Variants in ERC2 observed in about 807,000 individuals in gnomAD.
ERC2 encodes the protein ERC protein 2.
A neutral mutation model predicts 114.8 loss-of-function variants in ERC2; 42 were observed. That is an observed-to-expected ratio of 0.37 (90% CI 0.29 to 0.47). The LOEUF (loss-of-function observed/expected upper bound fraction) is 0.47. Among genes scored for constraint, ERC2 ranks in the 20% least tolerant of loss-of-function variants. ERC2 has a pLI of 0.99. For missense variants in ERC2, 939 were observed against 1,150.7 expected, an observed-to-expected ratio of 0.82 and a Z score of 2.66; for synonymous variants, 454 against 425.5, an observed-to-expected ratio of 1.07 and a Z score of -0.82.
At chr3:55,602,387 A>G (rs1243817159) in intron 17 of ERC2, among the ~76,000 whole-genome samples, 1 of 152,176 alleles carries the variant, frequency 6.6e-6, no homozygotes, top group African/African-American at 2.4e-5. Context: ...CTTTGCTCTC[A>G]AGGAGGAGAC....
At chr3:56,223,186 C>T (rs146096485) in intron 3 of ERC2, among the ~76,000 whole-genome samples, 204 of 152,284 alleles carry the variant, frequency 1.3e-3, no homozygotes, top group African/African-American at 4.3e-3. Flanking sequence ...TTCCATTTTT[C>T]AAAGGAATCT....
At chr3:56,420,681 C>T (rs919141500) in intron 2 of ERC2, among the ~76,000 whole-genome samples, 1 of 150,102 alleles carries the variant, frequency 6.7e-6, no homozygotes, top group East Asian at 2.0e-4. Context: ...GTCAGGAGAT[C>T]GAGACCAACC....
At chr3:56,465,700 C>T (rs1336792123) in intron 1 of ERC2, among the ~76,000 whole-genome samples, 2 of 152,106 alleles carry the variant, frequency 1.3e-5, no homozygotes, top group Non-Finnish European at 2.9e-5. Flanking sequence ...TTTTATCGAG[C>T]CAAAATTTTT....
In ERC2 at chr3:55,583,387, TTTCCTTCCTTCTTTCC is replaced by T. The variant is rs1233268913; in HGVS notation, c.*40-72127_*40-72112del. 4.3e-4 allele frequency among the ~76,000 whole-genome samples: 55 copies of T among 127,764 alleles called. 1 individual carries two copies. Among genetic ancestry groups the T allele is most frequent in the Middle Eastern group, 4.1e-3 (1 of 244 alleles). 83.8% of individuals were successfully genotyped at this position (127,764 alleles called of 152,430 possible). ...CCTGCCTGCCTTCTTTCCTTCTTTC[TTTCCTTCCTTCTTTCC>T]TTCCTTCCTTCCTTCCTTCCTTCCT... On this transcript the variant is annotated intron_variant, in intron 17 of 17. Transcript: ENST00000288221.
intron 2 of ERC2, among the ~76,000 whole-genome samples, chr3:56,378,585 AAC>A (rs1193719627): frequency 5.1e-5 from 7 of 135,936 alleles, no homozygotes; most frequent in African/African-American, 2.1e-4. Context: ...AAAAAAAAAA[AAC>A]AAAGGCAGCA....
At chr3:55,517,170 A>G (rs1391103047) in intron 17 of ERC2, among the ~76,000 whole-genome samples, 1 of 152,134 alleles carries the variant, frequency 6.6e-6, no homozygotes, top group East Asian at 1.9e-4. Context: ...GCCGGGTGCA[A>G]TGGCTCACGC....
chr3:56,121,446 G>T (rs529604559), intron 6 of ERC2, among the ~76,000 whole-genome samples: 1 of 152,226 alleles, frequency 6.6e-6, no homozygotes, highest in Non-Finnish European at 1.5e-5. Flanking sequence ...TATTTCAAAA[G>T]TATACATGGC....
At chr3:56,326,797 A>C (rs1255917750) in intron 2 of ERC2, among the ~76,000 whole-genome samples, 1 of 152,198 alleles carries the variant, frequency 6.6e-6, no homozygotes, top group Non-Finnish European at 1.5e-5. Context: ...AGGCTGTGCC[A>C]GGCCATGGTT....
At chr3:55,919,546 A>C (rs912505353) in intron 13 of ERC2, among the ~76,000 whole-genome samples, 1 of 152,188 alleles carries the variant, frequency 6.6e-6, no homozygotes, top group Admixed American at 6.5e-5. Flanking sequence ...TTTATTGAAC[A>C]ATTTGTAGGT....
At chr3:56,044,964 C>T (rs551154007) in intron 7 of ERC2, among the ~76,000 whole-genome samples, 88 of 152,272 alleles carry the variant, frequency 5.8e-4, no homozygotes, top group African/African-American at 2.1e-3. Context: ...CTGTCCCCTA[C>T]AGCAAATGTT....
intron 14 of ERC2, among the ~76,000 whole-genome samples, chr3:55,831,084 GT>G (rs1418533162): frequency 6.7e-6 from 1 of 150,194 alleles, no homozygotes; most frequent in African/African-American, 2.5e-5. Flanking sequence ...AGACAGGAAG[GT>G]TGTTTGAAGC....
chr3:55,542,622 A>C (rs2054472803), intron 17 of ERC2, among the ~76,000 whole-genome samples: 1 of 152,246 alleles, frequency 6.6e-6, no homozygotes, highest in South Asian at 2.1e-4. Flanking sequence ...GAAAAAAGGA[A>C]TATGAAAAGA....
chr3:55,895,451 A>C (rs2063797983), intron 13 of ERC2, among the ~76,000 whole-genome samples: 1 of 152,166 alleles, frequency 6.6e-6, no homozygotes, highest in Non-Finnish European at 1.5e-5. Flanking sequence ...GCGTAAAGTG[A>C]AATAATGCAT....
chr3:56,264,729 CTG>C (rs1413590176), intron 3 of ERC2, among the ~76,000 whole-genome samples: 1 of 150,318 alleles, frequency 6.7e-6, no homozygotes, highest in Admixed American at 6.6e-5. Context: ...CATAAAAAAA[CTG>C]TTAAAATAAT....
At chr3:55,855,991 G>A (rs2061768434) in intron 14 of ERC2, among the ~76,000 whole-genome samples, 1 of 152,178 alleles carries the variant, frequency 6.6e-6, no homozygotes, top group Non-Finnish European at 1.5e-5. Flanking sequence ...GCCCCTGTCT[G>A]TCAAAGTAGA....
At chr3:55,838,541 G>A (rs988425093) in intron 14 of ERC2, among the ~76,000 whole-genome samples, 1 of 151,952 alleles carries the variant, frequency 6.6e-6, no homozygotes, top group Non-Finnish European at 1.5e-5. Flanking sequence ...CATACAGAAT[G>A]TAGATAAAAC....
At chr3:55,934,591 T>C (rs566700579) in intron 13 of ERC2, among the ~76,000 whole-genome samples, 2 of 152,244 alleles carry the variant, frequency 1.3e-5, no homozygotes, top group Middle Eastern at 3.4e-3. Flanking sequence ...TAACTCTAGA[T>C]TGAAGAATGA....
chr3:56,214,959 A>T (rs1225513285), intron 3 of ERC2, among the ~76,000 whole-genome samples: 1 of 152,218 alleles, frequency 6.6e-6, no homozygotes, highest in Non-Finnish European at 1.5e-5. Flanking sequence ...TCTTGTCATC[A>T]CCATGCCTGC....
rs188741534 is a variant in ERC2 at position 55,566,884 on chromosome 3, A to G, written c.*40-55608T>C. Among the ~76,000 whole-genome samples, 366 of 152,206 alleles carry G rather than the reference A, an allele frequency of 2.4e-3. 1 individual carries two copies. The highest frequency in any genetic ancestry group is 8.4e-3 in the African/African-American group (348 of 41,524). The stretch of plus-strand genomic sequence containing the variant: ...CAGCTAATTGTTTTGTATTTTTAGT[A>G]GAGACAAGGTTTCACCATGCTGGCC... On this transcript the variant is annotated intron_variant, in intron 17 of 17. Coordinates refer to ENST00000288221, the MANE Select transcript of ERC2 (RefSeq NM_015576.3).
Sources: allele counts gnomAD v4.1 joint callset (sites outside exome capture counted in the v4.1 genomes callset), GRCh38; gene constraint gnomAD v4.1.1; transcripts MANE v1.5; gene names NCBI Gene and HGNC (gene_info 2026-07-23, HGNC 2026-07-21).